Variants in BLTP1 observed in about 807,000 individuals in gnomAD.
BLTP1 encodes bridge-like lipid transfer protein family member 1, also known as fragile site-associated protein.
chr4:122,182,692 T>C, the BLTP1 span: 23 of 985,122 alleles, frequency 2.3e-5, no homozygotes, highest in Admixed American at 1.4e-3. Context: ...CCATACGAAA[T>C]GTTCTGTATC....
chr4:122,294,841 A>C, the BLTP1 span, among the ~76,000 whole-genome samples: 982 of 152,282 alleles, frequency 6.4e-3, 7 homozygotes, highest in Non-Finnish European at 0.011. Flanking sequence ...ACATGTTCTA[A>C]CCCAATGGAA....
At chr4:122,295,885 CCCTT>C in the BLTP1 span, among the ~76,000 whole-genome samples, 1 of 152,134 alleles carries the variant, frequency 6.6e-6, no homozygotes, top group Non-Finnish European at 1.5e-5. Flanking sequence ...AACTCAACAT[CCCTT>C]CATGTTAAAA....
the BLTP1 span, among the ~76,000 whole-genome samples, chr4:122,342,071 G>A: frequency 4.5e-4 from 68 of 152,298 alleles, no homozygotes; most frequent in Non-Finnish European, 7.6e-4. Flanking sequence ...AAGCAAGGGA[G>A]TGGATATGAT....
At chr4:122,352,017 A>C in the BLTP1 span, among the ~76,000 whole-genome samples, 2 of 152,162 alleles carry the variant, frequency 1.3e-5, no homozygotes, top group Admixed American at 1.3e-4. Flanking sequence ...ATGTTATTAA[A>C]ATAAAGATTT....
the BLTP1 span, chr4:122,287,561 TG>T: frequency 1.6e-5 from 16 of 985,406 alleles, no homozygotes; most frequent in Non-Finnish European, 1.8e-5. Context: ...CTTGTCAGTT[TG>T]TCAAAAACTG....
chr4:122,284,624 T>C, the BLTP1 span, among the ~76,000 whole-genome samples: 1 of 151,498 alleles, frequency 6.6e-6, no homozygotes, highest in East Asian at 1.9e-4. Context: ...GTGTTTTGTC[T>C]CTTCACGTTT....
chr4:122,271,041 C>T, the BLTP1 span: 1 of 1,607,726 alleles, frequency 6.2e-7, no homozygotes, highest in South Asian at 1.1e-5. Flanking sequence ...AATCTTCCTC[C>T]ACTTGAGTTC....
the BLTP1 span, chr4:122,229,838 T>C: frequency 1.4e-6 from 2 of 1,443,714 alleles, no homozygotes; most frequent in Non-Finnish European, 1.8e-6. Flanking sequence ...TGTTTTACTC[T>C]ATTTGAAATG....
chr4:122,213,751 G>GGAA, the BLTP1 span, among the ~76,000 whole-genome samples: 1 of 152,132 alleles, frequency 6.6e-6, no homozygotes, highest in Non-Finnish European at 1.5e-5. Flanking sequence ...GTATGGAAAT[G>GGAA]GAAGGTCTTC....
chr4:122,235,662 G>A, the BLTP1 span: 12 of 165,646 alleles, frequency 7.2e-5, no homozygotes, highest in East Asian at 1.9e-4. Context: ...AAAATTAGCC[G>A]GGCGTGGTGG....
chr4:122,299,825 T>C, the BLTP1 span: 1 of 984,814 alleles, frequency 1.0e-6, no homozygotes. Context: ...AGATTTGAGT[T>C]AGGAGGCAGA....
At chr4:122,176,590 A>G in the BLTP1 span, among the ~76,000 whole-genome samples, 2 of 152,198 alleles carry the variant, frequency 1.3e-5, no homozygotes, top group African/African-American at 4.8e-5. Flanking sequence ...ACTTCATAGT[A>G]TCTTTCATAT....
the BLTP1 span, chr4:122,209,026 A>T: frequency 3.0e-6 from 3 of 1,001,812 alleles, no homozygotes; most frequent in Non-Finnish European, 3.8e-6. Flanking sequence ...CAATAAAATA[A>T]AAATAAATAA....
At chr4:122,220,546 C>G in the BLTP1 span, 1 of 1,246,332 alleles carries the variant, frequency 8.0e-7, no homozygotes, top group Non-Finnish European at 1.1e-6. Flanking sequence ...AATGTATTAG[C>G]TTCTGTGCAT....
At chr4:122,208,225 C>T in the BLTP1 span, 1 of 664,994 alleles carries the variant, frequency 1.5e-6, no homozygotes, top group Non-Finnish European at 1.9e-6. Context: ...ACTCAATTCT[C>T]AGAACAACCC....
the BLTP1 span, among the ~76,000 whole-genome samples, chr4:122,326,902 A>C: frequency 1.1e-4 from 17 of 151,796 alleles, no homozygotes; most frequent in African/African-American, 3.9e-4. Flanking sequence ...TAACATGTAT[A>C]CTATATAAAA....
chr4:122,224,294 A>G, the BLTP1 span: 1 of 276,606 alleles, frequency 3.6e-6, no homozygotes, highest in Non-Finnish European at 5.5e-6. Flanking sequence ...TAATAGTTGG[A>G]CTCTCATAGG....
At chr4:122,225,819 T>G in the BLTP1 span, 2 of 152,170 alleles carry the variant, frequency 1.3e-5, no homozygotes, top group African/African-American at 2.4e-5. Flanking sequence ...TTCCCATCCC[T>G]AAGTATACTA....
chr4:122,333,903 A>G, the BLTP1 span: 1 of 1,446,576 alleles, frequency 6.9e-7, no homozygotes, highest in Non-Finnish European at 9.2e-7. Context: ...ATTATATTAA[A>G]ATGAGACTTA....
Sources: allele counts gnomAD v4.1 joint callset (sites outside exome capture counted in the v4.1 genomes callset), GRCh38; gene constraint gnomAD v4.1.1; transcripts MANE v1.5; gene names NCBI Gene and HGNC (gene_info 2026-07-23, HGNC 2026-07-21).